The following GBE1 variants were observed in gnomAD, a reference collection of about 807,000 sequenced individuals.
GBE1 encodes the protein 1,4-alpha-glucan-branching enzyme.
GBE1 carries 70 observed loss-of-function variants against 88.8 expected under a neutral mutation model. The ratio of observed to expected loss-of-function variants is 0.79; its 90% confidence interval spans 0.65 to 0.96. The LOEUF is 0.96. GBE1 is among the 40% of genes least tolerant of loss of function. The probability of loss-of-function intolerance (pLI) is 0.00; values close to 1 mark genes in which losing one functional copy is unlikely to be tolerated. For missense variants in GBE1, 872 were observed against 871.0 expected (o/e 1.00, Z -0.01); for synonymous variants, 284 against 300.1 (o/e 0.95, Z 0.56).
At chr3:81,747,506 C>T (rs1285210963) in intron 1 of GBE1, among the ~76,000 whole-genome samples, 4 of 152,196 alleles carry the variant, frequency 2.6e-5, no homozygotes. Context: ...CATGGTGAAA[C>T]CCCATCTCTA....
At chr3:81,689,209 G>A (rs1251658363) in intron 2 of GBE1, among the ~76,000 whole-genome samples, 1 of 152,196 alleles carries the variant, frequency 6.6e-6, no homozygotes, top group African/African-American at 2.4e-5. Context: ...ATGTCATGCT[G>A]ATACAGGCAT....
At chr3:81,590,849 A>G (rs1703867529) in intron 9 of GBE1, among the ~76,000 whole-genome samples, 188 bp downstream of exon 9, 1 of 152,148 alleles carries the variant, frequency 6.6e-6, no homozygotes. Flanking sequence ...AGTATACATT[A>G]TCTTCTAATA....
intron 2 of GBE1, among the ~76,000 whole-genome samples, chr3:81,690,524 T>C (rs1705505257): frequency 2.0e-5 from 3 of 152,206 alleles, no homozygotes. Flanking sequence ...TATAGTTACA[T>C]GTACATGCCT....
At chr3:81,618,039 C>T (rs961391250) in intron 7 of GBE1, among the ~76,000 whole-genome samples, 1 of 151,862 alleles carries the variant, frequency 6.6e-6, no homozygotes, top group African/African-American at 2.4e-5. Context: ...TTGATGTCTG[C>T]ACAGTGACAT....
intron 14 of GBE1, among the ~76,000 whole-genome samples, chr3:81,506,035 A>G (rs1451345676): frequency 1.3e-5 from 2 of 152,114 alleles, no homozygotes; most frequent in Admixed American, 1.3e-4. Flanking sequence ...CATGACGAAG[A>G]CACTAAAAGC....
At chr3:81,498,440 T>A (rs1702544172) in intron 15 of GBE1, among the ~76,000 whole-genome samples, 1 of 152,148 alleles carries the variant, frequency 6.6e-6, no homozygotes, top group African/African-American at 2.4e-5. Flanking sequence ...GGCCATAAAT[T>A]AAATAATGAA....
chr3:81,570,804 T>C (rs1703564117), intron 12 of GBE1, among the ~76,000 whole-genome samples: 1 of 152,120 alleles, frequency 6.6e-6, no homozygotes, highest in Non-Finnish European at 1.5e-5. Flanking sequence ...ATTCTCTTAA[T>C]TCAGTTAGAA....
intron 7 of GBE1, among the ~76,000 whole-genome samples, chr3:81,615,438 T>C (rs1704236441): frequency 6.6e-6 from 1 of 152,146 alleles, no homozygotes; most frequent in East Asian, 1.9e-4. Flanking sequence ...GCACTCCTGT[T>C]TTCTCACCAC....
At chr3:81,577,021 C>A (rs1427388662) in intron 12 of GBE1, among the ~76,000 whole-genome samples, 2 of 152,060 alleles carry the variant, frequency 1.3e-5, no homozygotes, top group Non-Finnish European at 2.9e-5. Flanking sequence ...TTTACTACAA[C>A]CTCAGACTCC....
At chr3:81,730,903 C>T (rs114417305) in intron 1 of GBE1, among the ~76,000 whole-genome samples, 2,261 of 152,140 alleles carry the variant, frequency 0.015, 62 homozygotes, top group African/African-American at 0.051. Flanking sequence ...GCTGTGCTAC[C>T]TTATATGAAG....
chr3:81,599,245 C>T (rs758284481), intron 7 of GBE1, among the ~76,000 whole-genome samples: 3 of 152,022 alleles, frequency 2.0e-5, no homozygotes, highest in Non-Finnish European at 2.9e-5. Context: ...TTATCTGCCA[C>T]GTAAGATTCA....
At chr3:81,728,431 T>C (rs551526179) in intron 1 of GBE1, among the ~76,000 whole-genome samples, 6 of 152,284 alleles carry the variant, frequency 3.9e-5, no homozygotes, top group East Asian at 3.9e-4. Flanking sequence ...CTAACAGAGA[T>C]AGATAACAAA....
At chr3:81,699,805 C>A (rs1054202048) in intron 2 of GBE1, among the ~76,000 whole-genome samples, 7 of 152,222 alleles carry the variant, frequency 4.6e-5, no homozygotes, top group African/African-American at 1.7e-4. Context: ...CACACAGACA[C>A]ACCCAGGATT....
chr3:81,745,892 A>G lies in GBE1; in HGVS notation c.143+15483T>C, dbSNP rs1706413984. The stretch of plus-strand genomic sequence containing the variant: ...ACAACTAATCAATTTCTATTTGGAA[A>G]GTGGCATGCTATGATTTCTAATATA... On this transcript the variant is annotated intron_variant, in intron 1 of 15. Transcript: ENST00000429644. 2.0e-5 allele frequency among the ~76,000 whole-genome samples: 3 copies of G among 152,146 alleles called. 1 individual carries two copies. Among genetic ancestry groups the G allele is most frequent in the African/African-American group, 7.2e-5 (3 of 41,446 alleles).
At chr3:81,534,288 G>A (rs898393185) in intron 14 of GBE1, among the ~76,000 whole-genome samples, 2 of 151,908 alleles carry the variant, frequency 1.3e-5, no homozygotes, top group African/African-American at 4.8e-5. Context: ...AACTTACAAT[G>A]CCTAATATTT....
chr3:81,546,790 C>G (rs2106886693), intron 12 of GBE1, among the ~76,000 whole-genome samples: 1 of 151,540 alleles, frequency 6.6e-6, no homozygotes, highest in East Asian at 1.9e-4. Flanking sequence ...GCTGCTCTGT[C>G]TATGGAGTAG....
rs532638017 is a variant in GBE1 at position 81,537,110 on chromosome 3, A to G, written c.1619-15T>C. The G allele has an allele frequency of 7.0e-7, 1 of 1,426,984 alleles. No homozygotes were observed. The highest frequency in any genetic ancestry group is 1.5e-5 in the South Asian group (1 of 65,492). 88.4% of individuals were successfully genotyped at this position (1,426,984 alleles called of 1,614,324 possible). ...AAATTCATTACCTGCATTACAAAAC[A>G]CATGCAAATATCAGCCTATTAATAT... On this transcript the variant is annotated splice_polypyrimidine_tract_variant and intron_variant, in intron 12 of 15. Transcript: ENST00000429644.
rs756339204 is a variant in GBE1, at chr3:81,646,514, A to C, written c.692-32T>G. On this transcript the variant is annotated intron_variant, in intron 5 of 15. Coordinates refer to ENST00000429644, the MANE Select transcript of GBE1 (RefSeq NM_000158.4). ...AAGGCAATGGTCAAATCTAAATTAA[A>C]AGCCACATTTAAAAAAAAAGTAATG... is the stretch of plus-strand genomic sequence containing the variant. The C allele has an allele frequency of 1.2e-5, 14 of 1,208,102 alleles. No homozygotes were observed. In the South Asian group the frequency reaches 1.7e-4, roughly 15 times the overall value. The allele number at this position is 1,208,102 out of a possible 1,614,324, so 74.8% of individuals were successfully genotyped here.
At chr3:81,612,220 TAAAAAAAA>T (rs11404629) in intron 7 of GBE1, 64 of 241,738 alleles carry the variant, frequency 2.6e-4, no homozygotes, top group African/African-American at 5.1e-4. Flanking sequence ...CACGCTCCTT[TAAAAAAAA>T]AAAAAAAAAA....
Sources: allele counts gnomAD v4.1 joint callset (sites outside exome capture counted in the v4.1 genomes callset), GRCh38; gene constraint gnomAD v4.1.1; transcripts MANE v1.5; gene names NCBI Gene and HGNC (gene_info 2026-07-23, HGNC 2026-07-21).